DMKN: variants seen among roughly 807,000 people sequenced by gnomAD.
DMKN encodes dermokine, also known as epidermis-specific secreted protein SK30/SK89.
In DMKN, 58 loss-of-function variants were observed where a neutral mutation model predicts 67.6. That is an observed-to-expected ratio of 0.86 (90% CI 0.69 to 1.07). The LOEUF is 1.07. Ranked by LOEUF, DMKN falls within the 50% of genes least tolerant of loss-of-function variation. DMKN has a pLI of 0.00. For missense variants in DMKN, 596 were observed against 601.5 expected (o/e 0.99, Z 0.10); for synonymous variants, 240 against 232.3 (o/e 1.03, Z -0.30).
chr19:35,509,853 G>A, intron 7 of DMKN, 58 bp downstream of exon 7: 6 of 1,592,452 alleles, frequency 3.8e-6, no homozygotes, highest in Non-Finnish European at 5.2e-6. Flanking sequence ...GGAGGAGTGG[G>A]CACAGTCCTG....
rs769520500 is a variant in DMKN, at chr19:35,498,731, C to A, written c.1416G>T (p.Trp472Cys). The A allele has an allele frequency of 6.2e-7, 1 of 1,614,134 alleles. No individual in the cohort carries two copies. Among genetic ancestry groups the A allele is most frequent in the East Asian group, 2.2e-5 (1 of 44,878 alleles). The change falls in exon 15 of 16, where the codon TGG (tryptophan) becomes TGT (cysteine). Residue 472 changes from tryptophan (W) to cysteine (C), a missense_variant. Transcript: ENST00000339686. Reference protein sequence around the residue: ...ASRVQPGLLQWVKFW With the variant: ...ASRVQPGLLQCVKFW ...TGACACTCACCTACCAAAACTTCAC[C>A]CACTGCAGCAGGCCAGGTTGCACCC...
At chr19:35,503,394 C>T in intron 9 of DMKN, 3 of 1,551,342 alleles carry the variant, frequency 1.9e-6, no homozygotes, top group Non-Finnish European at 2.6e-6. Flanking sequence ...GGGCTCCCAT[C>T]CAATCTGGTG....
intron 5 of DMKN, 142 bp from the exon 6 acceptor site, chr19:35,510,394 C>T: frequency 1.9e-6 from 3 of 1,552,416 alleles, no homozygotes; most frequent in Non-Finnish European, 1.7e-6. Context: ...CCCTCTTTAG[C>T]CTGTTGGTCG....
chr19:35,503,824 T>C (rs11084817), intron 9 of DMKN, among the ~76,000 whole-genome samples: 79,044 of 151,940 alleles, frequency 0.52, 21,758 homozygotes, highest in African/African-American at 0.7. Flanking sequence ...TCCAGGGCAT[T>C]GTGAGCCAGC....
chr19:35,502,715 A>AG (rs1336457249), intron 10 of DMKN, 115 bp downstream of exon 10: 683 of 985,228 alleles, frequency 6.9e-4, no homozygotes, highest in Middle Eastern at 3.1e-3. Context: ...AAAAAAAAAA[A>AG]GGGGGGGAGT....
chr19:35,502,220 C>G (rs2068524454), intron 10 of DMKN, 37 bp from the exon 11 acceptor site: 5 of 1,612,964 alleles, frequency 3.1e-6, no homozygotes, highest in Non-Finnish European at 4.2e-6. Flanking sequence ...GCCGGGGAGG[C>G]AGAACCCACG....
chr19:35,498,901 C>CA lies in DMKN; in HGVS notation c.1360-5dup. On this transcript the variant is annotated splice_polypyrimidine_tract_variant and splice_region_variant and intron_variant, in intron 13 of 15. Coordinates refer to ENST00000339686, the MANE Select transcript of DMKN (RefSeq NM_033317.5). Reference sequence around the variant, plus strand: ...AGGAAGAAGGTGAGACTCCCCCCTGCAAAAAGATCAAAGGAAAGTGATGTG... The same window carrying CA: ...AGGAAGAAGGTGAGACTCCCCCCTGCAAAAAAGATCAAAGGAAAGTGATGTG... The CA allele has an allele frequency of 6.2e-7, 1 of 1,614,090 alleles. No homozygotes were observed. Among genetic ancestry groups the CA allele is most frequent in the Non-Finnish European group, 8.5e-7 (1 of 1,179,992 alleles).
At chr19:35,499,032 T>A in intron 13 of DMKN, 135 bp from the exon 14 acceptor site, 1 of 1,276,126 alleles carries the variant, frequency 7.8e-7, no homozygotes, top group Non-Finnish European at 1.1e-6. Context: ...CCAGTCTGAC[T>A]GTGGACATTC....
chr19:35,509,798 G>T, intron 7 of DMKN, 113 bp downstream of exon 7: 1 of 1,263,756 alleles, frequency 7.9e-7, no homozygotes, highest in Non-Finnish European at 1.1e-6. Flanking sequence ...GAAATAGTCA[G>T]TTCCCTGCAG....
rs552878413 is a variant in DMKN at position 35,499,255 on chromosome 19, G to A, written c.1360-358C>T. On this transcript the variant is annotated intron_variant, in intron 13 of 15. Coordinates refer to ENST00000339686, the MANE Select transcript of DMKN (RefSeq NM_033317.5). Reference sequence around the variant, plus strand: ...AGCAGAGTGGAAGCCACAGGCAGTAGAAGCTGCATGTCCCTCCTCTCACCA... The same window carrying A: ...AGCAGAGTGGAAGCCACAGGCAGTAAAAGCTGCATGTCCCTCCTCTCACCA... 3.3e-5 allele frequency: 11 copies of A among 335,098 alleles called. No homozygotes were observed. The South Asian group carries it at 3.7e-4, about 11-fold the overall frequency. 20.8% of individuals were successfully genotyped at this position (335,098 alleles called of 1,614,324 possible).
At chr19:35,510,049 G>T in intron 6 of DMKN, 88 bp from the exon 7 acceptor site, 1 of 1,585,496 alleles carries the variant, frequency 6.3e-7, no homozygotes, top group Non-Finnish European at 8.6e-7. Context: ...ACCCTGGGGC[G>T]AGCCGCTTCC....
intron 11 of DMKN, chr19:35,501,755 G>A (rs1377211139): frequency 6.9e-7 from 1 of 1,455,382 alleles, no homozygotes; most frequent in South Asian, 1.3e-5. Flanking sequence ...TCCTCCCCAT[G>A]CCGCAGCCTA....
Position 35,498,698 on chromosome 19 carries a change from G to A in DMKN, c.*18C>T, listed in dbSNP as rs1161207982. ...CACTGCCAGGATGTGGCCTGGGTCG[G>A]CTCACTCTGACACTCACCTACCAAA... On this transcript the variant is annotated intron_variant, in intron 15 of 15. Coordinates refer to ENST00000339686, the MANE Select transcript of DMKN (RefSeq NM_033317.5). 3.1e-6 allele frequency: 5 copies of A among 1,613,494 alleles called. No individual in the cohort carries two copies. The highest frequency in any genetic ancestry group is 4.2e-6 in the Non-Finnish European group (5 of 1,179,896).
At chr19:35,502,705 A>T in intron 10 of DMKN, 125 bp downstream of exon 10, 1 of 426,224 alleles carries the variant, frequency 2.3e-6, no homozygotes, top group South Asian at 4.0e-5. Context: ...ACTCTGTCTC[A>T]AAAAAAAAAA....
intron 3 of DMKN, among the ~76,000 whole-genome samples, 193 bp downstream of exon 3, chr19:35,512,228 C>T (rs1849763307): frequency 6.6e-6 from 1 of 152,090 alleles, no homozygotes; most frequent in African/African-American, 2.4e-5. Flanking sequence ...GAACTCCTGA[C>T]CTCAGGTGAT....
At chr19:35,497,864 G>A (rs2067701344) in intron 15 of DMKN, 1 of 152,246 alleles carries the variant, frequency 6.6e-6, no homozygotes, top group Non-Finnish European at 1.5e-5. Flanking sequence ...GTGCCTATGT[G>A]GTCCCACCCT....
At chr19:35,503,480 T>TG (rs2068805366) in intron 9 of DMKN, 3 of 1,459,136 alleles carry the variant, frequency 2.1e-6, no homozygotes, top group Non-Finnish European at 2.7e-6. Context: ...TTTTGTTTTT[T>TG]TTTTTTTTTT....
At chr19:35,500,218 T>C in intron 12 of DMKN, 189 bp from the exon 13 acceptor site, 4 of 1,222,128 alleles carry the variant, frequency 3.3e-6, no homozygotes, top group Non-Finnish European at 4.6e-6. Flanking sequence ...CACCTGCCTT[T>C]ACTGTCCTAG....
In DMKN at chr19:35,502,125, GC is replaced by G; in HGVS notation, c.1239+10del. The G allele has an allele frequency of 2.5e-6, 4 of 1,614,140 alleles. No homozygotes were observed. The highest frequency in any genetic ancestry group is 3.4e-6 in the Non-Finnish European group (4 of 1,180,024). On this transcript the variant is annotated intron_variant, in intron 11 of 15. Transcript: ENST00000339686. Reference sequence around the variant, plus strand: ...CTGTGTCCCAGAGCTGAGAAGTCCTGCCCCCCTTACCTCAATAATTGCTTTC... The same window carrying G: ...CTGTGTCCCAGAGCTGAGAAGTCCTGCCCCCTTACCTCAATAATTGCTTTC...
Sources: allele counts gnomAD v4.1 joint callset (sites outside exome capture counted in the v4.1 genomes callset), GRCh38; gene constraint gnomAD v4.1.1; transcripts MANE v1.5; gene names NCBI Gene and HGNC (gene_info 2026-07-23, HGNC 2026-07-21).